The following ADAMTSL1 variants were observed in gnomAD, a reference collection of about 807,000 sequenced individuals.
ADAMTSL1 encodes the protein ADAMTS-like protein 1.
In ADAMTSL1, 126 loss-of-function variants were observed where a neutral mutation model predicts 201.8. The observed-to-expected ratio is 0.62, with a 90% CI of 0.54 to 0.72. ADAMTSL1 has a LOEUF of 0.72. Ranked by LOEUF, ADAMTSL1 falls within the 30% of genes least tolerant of loss-of-function variation. ADAMTSL1 has a pLI of 0.00. For synonymous variants in ADAMTSL1, 1,121 were observed against 903.4 expected (o/e 1.24, Z -4.32); for missense variants, 2,679 against 2,277.8 (o/e 1.18, Z -3.59).
At chr9:18,074,511 CTT>C (rs1823114765) in intron 1 of ADAMTSL1, among the ~76,000 whole-genome samples, 4 of 93,582 alleles carry the variant, frequency 4.3e-5, no homozygotes, top group African/African-American at 1.4e-4. Flanking sequence ...CTTTTCTTTT[CTT>C]CTTTTCTTTT....
chr9:18,087,006 T>A (rs1049845520), intron 1 of ADAMTSL1, among the ~76,000 whole-genome samples: 6 of 152,194 alleles, frequency 3.9e-5, no homozygotes, highest in African/African-American at 7.2e-5. Context: ...CAACTCTGTT[T>A]TTGTAAAGTC....
intron 16 of ADAMTSL1, among the ~76,000 whole-genome samples, chr9:18,754,674 T>G (rs1273518682): frequency 6.6e-6 from 1 of 152,092 alleles, no homozygotes; most frequent in African/African-American, 2.4e-5. Context: ...CCCTCCCTTC[T>G]CCTTGCTCCT....
At chr9:18,802,413 T>C (rs1320327084) in intron 20 of ADAMTSL1, among the ~76,000 whole-genome samples, 1 of 152,220 alleles carries the variant, frequency 6.6e-6, no homozygotes, top group Non-Finnish European at 1.5e-5. Flanking sequence ...ACCACTAATA[T>C]ACTTTAAATC....
intron 23 of ADAMTSL1, among the ~76,000 whole-genome samples, chr9:18,831,570 C>G (rs1824977722): frequency 6.6e-6 from 1 of 152,186 alleles, no homozygotes; most frequent in African/African-American, 2.4e-5. Context: ...TTCATTTTAG[C>G]CATGGGCAAT....
At chr9:18,783,440 G>A (rs1207403504) in intron 19 of ADAMTSL1, among the ~76,000 whole-genome samples, 1 of 152,178 alleles carries the variant, frequency 6.6e-6, no homozygotes, top group African/African-American at 2.4e-5. Flanking sequence ...AGTTAAACAA[G>A]CACCACAGGT....
intron 2 of ADAMTSL1, among the ~76,000 whole-genome samples, chr9:18,220,361 A>T (rs75730281): frequency 5.3e-5 from 8 of 152,166 alleles, no homozygotes; most frequent in Admixed American, 5.2e-4. Flanking sequence ...TCCTTTTACC[A>T]TTATGTAGTG....
rs113231506 is a variant in ADAMTSL1, at chr9:18,624,179, C to CA, written c.601+1818dup. On this transcript the variant is annotated intron_variant, in intron 5 of 28. Transcript: ENST00000380548. Reference sequence around the variant, plus strand: ...GGAAACAGTGGAAAATGTAATTCTGCAAAAAAAATAAAATAAATTTAAAAG... The same window carrying CA: ...GGAAACAGTGGAAAATGTAATTCTGCAAAAAAAAATAAAATAAATTTAAAAG... Among the ~76,000 whole-genome samples the CA allele has an allele frequency of 2.3e-3, 342 of 151,160 alleles. 4 individuals carry two copies. The highest frequency in any genetic ancestry group is 7.3e-3 in the African/African-American group (303 of 41,260).
intron 20 of ADAMTSL1, among the ~76,000 whole-genome samples, chr9:18,815,016 T>G (rs1421016589): frequency 6.6e-6 from 1 of 152,182 alleles, no homozygotes. Context: ...GATATCACCT[T>G]ACCTCTATTA....
chr9:18,538,945 A>G (rs1376077568), intron 3 of ADAMTSL1, among the ~76,000 whole-genome samples: 2 of 152,174 alleles, frequency 1.3e-5, no homozygotes, highest in African/African-American at 4.8e-5. Flanking sequence ...GACCAGAGAA[A>G]TACCCCTGAA....
intron 2 of ADAMTSL1, among the ~76,000 whole-genome samples, chr9:18,190,063 A>T (rs1350784199): frequency 6.6e-6 from 1 of 152,200 alleles, no homozygotes; most frequent in Non-Finnish European, 1.5e-5. Context: ...ATGTTTTTGT[A>T]TAAGTAACCT....
intron 1 of ADAMTSL1, among the ~76,000 whole-genome samples, chr9:17,993,923 G>C (rs1341870670): frequency 6.6e-6 from 1 of 152,090 alleles, no homozygotes; most frequent in Non-Finnish European, 1.5e-5. Flanking sequence ...GTTAGTGGGA[G>C]ATGGTTTTCT....
chr9:18,340,055 T>A (rs1284157553), intron 2 of ADAMTSL1, among the ~76,000 whole-genome samples: 1 of 152,184 alleles, frequency 6.6e-6, no homozygotes, highest in African/African-American at 2.4e-5. Flanking sequence ...CTGATGTTAC[T>A]CCTCTTCTTT....
intron 7 of ADAMTSL1, among the ~76,000 whole-genome samples, chr9:18,657,067 G>C (rs1828732891): frequency 6.6e-6 from 1 of 152,116 alleles, no homozygotes; most frequent in South Asian, 2.1e-4. Context: ...ATCAACATTT[G>C]AATTACCTAG....
intron 1 of ADAMTSL1, among the ~76,000 whole-genome samples, chr9:17,955,323 G>A (rs1827888745): frequency 6.6e-6 from 1 of 152,138 alleles, no homozygotes; most frequent in African/African-American, 2.4e-5. Flanking sequence ...GTCAGCAAAG[G>A]GAAAGGAGGG....
rs186866280 is a variant in ADAMTSL1 at position 18,539,440 on chromosome 9, G to A, written c.237+6148G>A. Among the ~76,000 whole-genome samples, 7 of 152,322 alleles carry A rather than the reference G, an allele frequency of 4.6e-5. No individual in the cohort carries two copies. In the East Asian group the frequency reaches 1.2e-3, roughly 25 times the overall value. On this transcript the variant is annotated intron_variant, in intron 3 of 28. Coordinates refer to ENST00000380548, the MANE Select transcript of ADAMTSL1 (RefSeq NM_001040272.6). ...TTCACCGCTGCATACTCAGGGTCTGGCATTCAGTGTCTGACACCATGCCTC... is the reference window on the plus strand; with the variant it reads ...TTCACCGCTGCATACTCAGGGTCTGACATTCAGTGTCTGACACCATGCCTC...
chr9:18,867,200 G>A (rs1356128804), intron 23 of ADAMTSL1, among the ~76,000 whole-genome samples: 3 of 152,210 alleles, frequency 2.0e-5, no homozygotes, highest in African/African-American at 7.2e-5. Context: ...CAGAAGCAAA[G>A]GTATTGAGCA....
chr9:17,920,141 A>G (rs961210480), intron 1 of ADAMTSL1, among the ~76,000 whole-genome samples: 2 of 152,150 alleles, frequency 1.3e-5, no homozygotes, highest in Admixed American at 1.3e-4. Context: ...ATTGAAAGAA[A>G]AGTTCTTAAT....
At chr9:18,260,058 G>A (rs562936124) in intron 2 of ADAMTSL1, among the ~76,000 whole-genome samples, 250 of 152,256 alleles carry the variant, frequency 1.6e-3, no homozygotes, top group African/African-American at 5.3e-3. Flanking sequence ...CATTTAAACC[G>A]TCAAAGGCAT....
chr9:18,491,741 C>A (rs560145068), intron 1 of ADAMTSL1, among the ~76,000 whole-genome samples: 11 of 152,220 alleles, frequency 7.2e-5, no homozygotes, highest in Admixed American at 3.9e-4. Flanking sequence ...AGCCCCAAAA[C>A]GTAAATATTT....
Sources: gnomAD v4.1 joint callset for allele counts (sites outside exome capture counted in the v4.1 genomes callset) on GRCh38, gnomAD v4.1.1 for gene constraint, MANE v1.5 for transcripts, NCBI Gene and HGNC (gene_info 2026-07-23, HGNC 2026-07-21) for gene names.